The following MAP7 variants were observed in gnomAD, a reference collection of about 807,000 sequenced individuals.
MAP7 encodes ensconsin.
Under a neutral mutation model 94.8 loss-of-function variants are expected in MAP7, and 52 were observed. The ratio of observed to expected loss-of-function variants is 0.55; its 90% CI spans 0.44 to 0.69. The LOEUF (loss-of-function observed/expected upper bound fraction) is 0.69, where lower values mean the gene tolerates loss of function less well. MAP7 is among the 30% of genes least tolerant of loss of function. MAP7 has a pLI of 0.00. For synonymous variants in MAP7, 350 were observed against 357.0 expected, an observed-to-expected ratio of 0.98 and a Z score of 0.22; for missense variants, 940 against 964.6, an observed-to-expected ratio of 0.97 and a Z score of 0.34.
At chr6:136,512,998 G>GGTTTT (rs111786683) in intron 1 of MAP7, among the ~76,000 whole-genome samples, 48 of 151,358 alleles carry the variant, frequency 3.2e-4, no homozygotes, top group African/African-American at 9.0e-4. Context: ...CACCAAGCTA[G>GGTTTT]GTTTTGTTTT....
At chr6:136,453,860 A>T (rs1801936382) in intron 1 of MAP7, among the ~76,000 whole-genome samples, 1 of 152,252 alleles carries the variant, frequency 6.6e-6, no homozygotes, top group South Asian at 2.1e-4. Context: ...CATAGTATTC[A>T]GCCAAAGCTG....
chr6:136,434,379 T>G (rs1162136756), intron 1 of MAP7, among the ~76,000 whole-genome samples: 1 of 151,424 alleles, frequency 6.6e-6, no homozygotes, highest in Non-Finnish European at 1.5e-5. Flanking sequence ...AAAATATAAT[T>G]GAATCTATTA....
intron 1 of MAP7, among the ~76,000 whole-genome samples, chr6:136,465,439 C>T (rs1278875962): frequency 6.6e-6 from 1 of 152,070 alleles, no homozygotes; most frequent in African/African-American, 2.4e-5. Flanking sequence ...TATGTCTTAT[C>T]CTAATACTTG....
chr6:136,392,124 C>T (rs746434593), intron 3 of MAP7, among the ~76,000 whole-genome samples: 15 of 152,324 alleles, frequency 9.8e-5, no homozygotes, highest in Non-Finnish European at 1.5e-4. Context: ...GTTGCCCAGG[C>T]TGGAGTGTAG....
intron 3 of MAP7, among the ~76,000 whole-genome samples, chr6:136,402,722 C>T (rs892059687): frequency 3.3e-5 from 5 of 151,852 alleles, no homozygotes; most frequent in Admixed American, 6.6e-5. Context: ...CTGGCTAACA[C>T]GGTGAAACCC....
At chr6:136,385,357 C>T (rs1197754113) in intron 5 of MAP7, among the ~76,000 whole-genome samples, 1 of 152,072 alleles carries the variant, frequency 6.6e-6, no homozygotes. Flanking sequence ...GATTTAGGGT[C>T]AAACATCAAA....
At chr6:136,518,676 A>G (rs903838171) in intron 1 of MAP7, among the ~76,000 whole-genome samples, 1 of 152,234 alleles carries the variant, frequency 6.6e-6, no homozygotes, top group Non-Finnish European at 1.5e-5. Flanking sequence ...CTGCTAAATG[A>G]AAAACATAGT....
intron 1 of MAP7, among the ~76,000 whole-genome samples, chr6:136,448,234 G>T (rs1044568901): frequency 2.0e-5 from 3 of 152,034 alleles, no homozygotes; most frequent in Non-Finnish European, 1.5e-5. Context: ...AGACTCTGAA[G>T]GAATAAGTCA....
chr6:136,486,265 A>T (rs1173966894), intron 1 of MAP7, among the ~76,000 whole-genome samples: 1 of 152,208 alleles, frequency 6.6e-6, no homozygotes, highest in Non-Finnish European at 1.5e-5. Context: ...GAAGATCTAC[A>T]TTATGTGCCC....
At chr6:136,479,217 G>A (rs530861920) in intron 1 of MAP7, among the ~76,000 whole-genome samples, 17 of 152,022 alleles carry the variant, frequency 1.1e-4, no homozygotes, top group South Asian at 6.2e-4. Context: ...GTTCAACATC[G>A]CAAACTCAAC....
intron 1 of MAP7, among the ~76,000 whole-genome samples, chr6:136,516,189 C>G (rs1490589419): frequency 6.6e-6 from 1 of 151,248 alleles, no homozygotes; most frequent in Non-Finnish European, 1.5e-5. Context: ...GAGACAAGGT[C>G]TCACTCTGCT....
intron 13 of MAP7, 122 bp from the exon 14 acceptor site, chr6:136,360,153 CTTTTTT>C: frequency 3.3e-6 from 2 of 600,138 alleles, no homozygotes; most frequent in South Asian, 2.3e-5. Context: ...ACAATATGCA[CTTTTTT>C]TTTTTTTTTT....
Position 136,372,724 on chromosome 6 carries a change from G to C in MAP7, c.752-99C>G, listed in dbSNP as rs1162044305. 2.7e-6 allele frequency: 4 copies of C among 1,488,940 alleles called. No homozygotes were observed. In the African/African-American group the frequency reaches 5.5e-5, roughly 21 times the overall value. The allele number at this position is 1,488,940 out of a possible 1,614,324, so 92.2% of individuals were successfully genotyped here. The stretch of plus-strand genomic sequence containing the variant: ...TGAAGAAAGCCAAAAGCAGGTTCAG[G>C]AAAAGGAGCAAAGCAGAGATAGAGA... On this transcript the variant is annotated intron_variant, in intron 7 of 17. Coordinates refer to ENST00000354570, the MANE Select transcript of MAP7 (RefSeq NM_003980.6).
chr6:136,443,973 A>G (rs1186614512), intron 1 of MAP7, among the ~76,000 whole-genome samples: 1 of 152,246 alleles, frequency 6.6e-6, no homozygotes, highest in African/African-American at 2.4e-5. Flanking sequence ...TCATTGTCAT[A>G]GGGCACAAAT....
At chr6:136,453,609 A>G (rs1426824814) in intron 1 of MAP7, among the ~76,000 whole-genome samples, 2 of 152,242 alleles carry the variant, frequency 1.3e-5, no homozygotes, top group Non-Finnish European at 2.9e-5. Context: ...ATGTCAGAAT[A>G]GAGACTTCCT....
At chr6:136,415,984 T>C (rs1419769383) in intron 2 of MAP7, among the ~76,000 whole-genome samples, 1 of 152,194 alleles carries the variant, frequency 6.6e-6, no homozygotes, top group Non-Finnish European at 1.5e-5. Context: ...GAAAAAGTTA[T>C]TTAGTGTAGG....
intron 1 of MAP7, among the ~76,000 whole-genome samples, chr6:136,480,535 G>A (rs941709516): frequency 3.3e-5 from 5 of 150,916 alleles, no homozygotes; most frequent in African/African-American, 4.9e-5. Flanking sequence ...CCAGCTACTC[G>A]GGAGGCTGAG....
At chr6:136,431,850 G>A (rs1795044422) in intron 1 of MAP7, among the ~76,000 whole-genome samples, 1 of 152,116 alleles carries the variant, frequency 6.6e-6, no homozygotes, top group Non-Finnish European at 1.5e-5. Flanking sequence ...ACCCTCATTG[G>A]CCACTGGACA....
Position 136,361,138 on chromosome 6 carries a change from C to T in MAP7, c.1568G>A (p.Arg523Lys), listed in dbSNP as rs1792633468. 7 of 1,605,262 alleles carry T rather than the reference C, an allele frequency of 4.4e-6. No homozygotes were observed. The highest frequency in any genetic ancestry group is 5.9e-6 in the Non-Finnish European group (7 of 1,179,968). The change falls in exon 12 of 18, where the codon AGG (arginine) becomes AAG (lysine). Residue 523 changes from arginine to lysine, a missense_variant. Arg to Lys is a conservative substitution (Grantham distance 26). Transcript: ENST00000354570. ...CGACTCCTCCTCACGGCGAGTCGTC[C>T]TCTCTTCAGCCACACGTTGAGCCAA... ...EELAQRVAEERTTRREEESRR... is the reference protein window; with the variant it reads ...EELAQRVAEEKTTRREEESRR...
Sources: allele counts gnomAD v4.1 joint callset (sites outside exome capture counted in the v4.1 genomes callset), GRCh38; gene constraint gnomAD v4.1.1; transcripts MANE v1.5; gene names NCBI Gene and HGNC (gene_info 2026-07-23, HGNC 2026-07-21).